FSTL4: variants seen among roughly 807,000 people sequenced by gnomAD.
FSTL4 encodes the protein follistatin-related protein 4.
FSTL4 carries 28 observed loss-of-function variants against 78.2 expected under a neutral mutation model. That is an observed-to-expected ratio of 0.36 (90% confidence interval 0.27 to 0.49). The LOEUF (loss-of-function observed/expected upper bound fraction) is 0.49. Among genes scored for constraint, FSTL4 ranks in the 20% least tolerant of loss-of-function variants. FSTL4 has a pLI of 0.98. For missense variants in FSTL4, 922 were observed against 1,084.9 expected (o/e 0.85, Z 2.11); for synonymous variants, 422 against 440.5 (o/e 0.96, Z 0.53).
At chr5:133,674,831 C>T in the FSTL4 span, among the ~76,000 whole-genome samples, 18 of 151,498 alleles carry the variant, frequency 1.2e-4, no homozygotes, top group Non-Finnish European at 1.8e-4. Flanking sequence ...ATTGAATGTT[C>T]TTCTTCACAT....
the FSTL4 span, among the ~76,000 whole-genome samples, chr5:133,819,227 A>G: frequency 6.6e-6 from 1 of 151,802 alleles, no homozygotes; most frequent in African/African-American, 2.4e-5. Flanking sequence ...CACTTTGAAA[A>G]TAAACAGGCA....
At chr5:133,240,174 C>G (rs752720007) in intron 7 of FSTL4, among the ~76,000 whole-genome samples, 7 of 152,164 alleles carry the variant, frequency 4.6e-5, no homozygotes, top group Admixed American at 3.9e-4. Flanking sequence ...AAACTCCAAA[C>G]GCATCCGAGC....
At chr5:133,482,566 G>T (rs1758049594) in intron 3 of FSTL4, among the ~76,000 whole-genome samples, 1 of 152,220 alleles carries the variant, frequency 6.6e-6, no homozygotes, top group African/African-American at 2.4e-5. Context: ...CCCTGCCAGA[G>T]AACTAGCCAG....
At chr5:133,470,022 G>GT (rs1198725463) in intron 3 of FSTL4, among the ~76,000 whole-genome samples, 4 of 152,100 alleles carry the variant, frequency 2.6e-5, no homozygotes, top group African/African-American at 9.7e-5. Flanking sequence ...TCCTGTGGGT[G>GT]TTAGCACCTT....
intron 6 of FSTL4, among the ~76,000 whole-genome samples, chr5:133,304,965 C>G (rs914841803): frequency 6.6e-6 from 1 of 152,230 alleles, no homozygotes; most frequent in Non-Finnish European, 1.5e-5. Flanking sequence ...TCCTGCACAG[C>G]AGGGGCAGGT....
intron 4 of FSTL4, among the ~76,000 whole-genome samples, chr5:133,396,752 G>C (rs894478327): frequency 1.7e-4 from 26 of 152,184 alleles, no homozygotes; most frequent in Admixed American, 1.6e-3. Flanking sequence ...TGGCTCTTTG[G>C]CAGGAAGCTC....
intron 4 of FSTL4, among the ~76,000 whole-genome samples, chr5:133,362,129 A>G (rs1561686679): frequency 6.6e-6 from 1 of 152,266 alleles, no homozygotes; most frequent in African/African-American, 2.4e-5. Flanking sequence ...GTGTTGTGGC[A>G]TATGAGTTGC....
intron 3 of FSTL4, among the ~76,000 whole-genome samples, chr5:133,498,130 G>A (rs571963340): frequency 3.3e-5 from 5 of 152,264 alleles, no homozygotes; most frequent in Admixed American, 1.3e-4. Context: ...TGGGTGTACT[G>A]TGCAAATGAG....
At chr5:133,820,769 T>C in the FSTL4 span, among the ~76,000 whole-genome samples, 1 of 152,220 alleles carries the variant, frequency 6.6e-6, no homozygotes, top group Non-Finnish European at 1.5e-5. Flanking sequence ...ACCAACTGTT[T>C]GTGGCCAGCC....
chr5:133,225,394 G>T lies in FSTL4; in HGVS notation c.1178-110C>A. The T allele has an allele frequency of 7.5e-7, 1 of 1,335,134 alleles. No individual in the cohort carries two copies. The highest frequency in any genetic ancestry group is 1.0e-6 in the Non-Finnish European group (1 of 955,460). 82.7% of individuals were successfully genotyped at this position (1,335,134 alleles called of 1,614,324 possible). On this transcript the variant is annotated intron_variant, in intron 9 of 15. Coordinates refer to ENST00000265342, the MANE Select transcript of FSTL4 (RefSeq NM_015082.2). This position sits in a 1 kb window ranked among gnomAD's most constrained non-coding sequence, Gnocchi z 4.6. The stretch of plus-strand genomic sequence containing the variant: ...CTGCCCAGCCCCTGGGCAGCCAGCA[G>T]CCCTGATTATACGCCCAGGAAGGGC...
chr5:133,358,099 C>T lies in FSTL4; in HGVS notation c.410-41447G>A, dbSNP rs529168536. On this transcript the variant is annotated intron_variant, in intron 4 of 15. Transcript: ENST00000265342. ...TGTCTGCTGTAGGATGCCACCTGGC[C>T]TGACTCATTTCAGCGCAGCATCCTC... Among the ~76,000 whole-genome samples the T allele has an allele frequency of 2.0e-5, 3 of 152,288 alleles. No individual in the cohort carries two copies. In the East Asian group the frequency reaches 5.8e-4, roughly 29 times the overall value.
the FSTL4 span, among the ~76,000 whole-genome samples, chr5:133,669,739 C>T: frequency 1.8e-4 from 27 of 152,332 alleles, no homozygotes; most frequent in South Asian, 5.4e-3. Flanking sequence ...AATTCTGAGG[C>T]TGCGAGTGCC....
At chr5:133,686,499 C>T in the FSTL4 span, among the ~76,000 whole-genome samples, 1 of 152,352 alleles carries the variant, frequency 6.6e-6, no homozygotes, top group Non-Finnish European at 1.5e-5. Context: ...TATTCAGTGT[C>T]AGAATTAATT....
chr5:133,764,060 C>G, the FSTL4 span, among the ~76,000 whole-genome samples: 1 of 152,376 alleles, frequency 6.6e-6, no homozygotes, highest in African/African-American at 2.4e-5. Flanking sequence ...TCAGAGGTAA[C>G]TGTTCAGAGA....
intron 3 of FSTL4, among the ~76,000 whole-genome samples, chr5:133,410,750 T>G (rs1406923805): frequency 6.6e-6 from 1 of 152,186 alleles, no homozygotes; most frequent in Non-Finnish European, 1.5e-5. Context: ...AGTTAAAATA[T>G]CTAATATTAG....
intron 2 of FSTL4, among the ~76,000 whole-genome samples, chr5:133,577,505 G>C (rs1000514114): frequency 6.6e-6 from 1 of 152,156 alleles, no homozygotes; most frequent in African/African-American, 2.4e-5. Flanking sequence ...AACCTTTAGG[G>C]GCTTAGATAG....
the FSTL4 span, among the ~76,000 whole-genome samples, chr5:133,764,170 G>A: frequency 6.6e-6 from 1 of 152,224 alleles, no homozygotes; most frequent in African/African-American, 2.4e-5. Flanking sequence ...TTGATTCACA[G>A]TTTGGGTCTT....
chr5:133,625,262 T>C, the FSTL4 span, among the ~76,000 whole-genome samples: 1 of 151,822 alleles, frequency 6.6e-6, no homozygotes, highest in Non-Finnish European at 1.5e-5. Context: ...GATTTTCTTT[T>C]GGGGAATTTT....
chr5:133,706,015 G>C, the FSTL4 span, among the ~76,000 whole-genome samples: 3 of 152,138 alleles, frequency 2.0e-5, no homozygotes, highest in Non-Finnish European at 2.9e-5. Flanking sequence ...CAATACATGG[G>C]CTGAGTGCAT....
Sources: allele counts gnomAD v4.1 joint callset (sites outside exome capture counted in the v4.1 genomes callset), GRCh38; gene constraint gnomAD v4.1.1; non-coding constraint Gnocchi (gnomAD v3.1); transcripts MANE v1.5; gene names NCBI Gene and HGNC (gene_info 2026-07-23, HGNC 2026-07-21).